ATP10B: variants seen among roughly 807,000 people sequenced by gnomAD.
ATP10B encodes the protein phospholipid-transporting ATPase VB.
Under a neutral mutation model 141.2 loss-of-function variants are expected in ATP10B, and 122 were observed. The ratio of observed to expected loss-of-function variants is 0.86; its 90% CI spans 0.75 to 1.00. ATP10B has a LOEUF of 1.00. ATP10B is among the 50% of genes least tolerant of loss of function. The pLI is 0.00. For missense variants in ATP10B, 1,876 were observed against 1,825.3 expected (o/e 1.03, Z -0.51); for synonymous variants, 685 against 692.0 (o/e 0.99, Z 0.16).
the ATP10B span, among the ~76,000 whole-genome samples, chr5:160,913,857 C>G: frequency 6.6e-6 from 1 of 152,128 alleles, no homozygotes; most frequent in Admixed American, 6.5e-5. Context: ...AATTGCAATT[C>G]CTGAAACTCG....
chr5:160,570,008 G>A (rs568090943), intron 24 of ATP10B, among the ~76,000 whole-genome samples: 6 of 151,908 alleles, frequency 3.9e-5, no homozygotes, highest in Admixed American at 2.0e-4. Context: ...ATCATGTTTC[G>A]TATGACTTTT....
intron 3 of ATP10B, among the ~76,000 whole-genome samples, chr5:160,697,066 C>T (rs902572509): frequency 5.9e-5 from 9 of 152,166 alleles, no homozygotes; most frequent in African/African-American, 2.2e-4. Context: ...TACAAAATGT[C>T]CTTTTTCCAC....
chr5:160,719,910 G>T (rs556059253), intron 2 of ATP10B, among the ~76,000 whole-genome samples: 4 of 152,288 alleles, frequency 2.6e-5, no homozygotes, highest in Non-Finnish European at 5.9e-5. Flanking sequence ...TCAGGCCTAT[G>T]ATTCTGCCAT....
At chr5:160,781,603 A>G (rs890884144) in intron 2 of ATP10B, among the ~76,000 whole-genome samples, 2 of 152,122 alleles carry the variant, frequency 1.3e-5, no homozygotes, top group African/African-American at 4.8e-5. Context: ...AAGGCAAATA[A>G]ATATCATTTA....
intron 1 of ATP10B, among the ~76,000 whole-genome samples, chr5:160,821,757 G>A (rs1030555652): frequency 3.3e-5 from 5 of 151,930 alleles, no homozygotes; most frequent in Non-Finnish European, 7.4e-5. Context: ...ATACAGTGGG[G>A]GAAAGAGCAG....
the ATP10B span, among the ~76,000 whole-genome samples, chr5:160,923,300 AT>A: frequency 6.6e-6 from 1 of 152,232 alleles, no homozygotes; most frequent in Non-Finnish European, 1.5e-5. Flanking sequence ...CCCCCAGTAC[AT>A]GACATTGGCC....
chr5:160,865,573 T>C, the ATP10B span, among the ~76,000 whole-genome samples: 1 of 151,848 alleles, frequency 6.6e-6, no homozygotes, highest in African/African-American at 2.4e-5. Flanking sequence ...AACAAATAAA[T>C]GGGACCTAAT....
At chr5:160,868,334 CTT>C in the ATP10B span, among the ~76,000 whole-genome samples, 1 of 151,960 alleles carries the variant, frequency 6.6e-6, no homozygotes, top group African/African-American at 2.4e-5. Flanking sequence ...CCCTTTGATT[CTT>C]TCTCTCTCAC....
At chr5:160,665,738 C>T (rs374333164) in intron 7 of ATP10B, among the ~76,000 whole-genome samples, 4 of 152,062 alleles carry the variant, frequency 2.6e-5, no homozygotes, top group East Asian at 1.9e-4. Context: ...TTGAATTACC[C>T]GAATATAGTA....
chr5:160,797,122 A>T (rs1472616503), intron 1 of ATP10B, among the ~76,000 whole-genome samples: 1 of 151,902 alleles, frequency 6.6e-6, no homozygotes, highest in East Asian at 1.9e-4. Context: ...CTGTGGAGAA[A>T]CCAGGGCCCA....
At chr5:160,730,806 A>C (rs1165288724) in intron 2 of ATP10B, among the ~76,000 whole-genome samples, 2 of 152,128 alleles carry the variant, frequency 1.3e-5, no homozygotes, top group Non-Finnish European at 2.9e-5. Context: ...GACATGGTTA[A>C]ATTTTAATGC....
intron 3 of ATP10B, among the ~76,000 whole-genome samples, chr5:160,690,030 C>A (rs1270036458): frequency 6.6e-6 from 1 of 151,860 alleles, no homozygotes; most frequent in East Asian, 1.9e-4. Context: ...TGGAACAGAA[C>A]AGAGGACTCA....
intron 2 of ATP10B, among the ~76,000 whole-genome samples, chr5:160,758,945 T>A (rs541116276): frequency 8.5e-5 from 13 of 152,344 alleles, no homozygotes; most frequent in Non-Finnish European, 1.6e-4. Flanking sequence ...GGTACATGAT[T>A]TTCTTGGGAA....
chr5:160,576,765 G>A (rs1270304796), intron 24 of ATP10B, among the ~76,000 whole-genome samples: 1 of 152,178 alleles, frequency 6.6e-6, no homozygotes, highest in Non-Finnish European at 1.5e-5. Context: ...AAGTAGCTTG[G>A]TCTGGCTGGG....
In ATP10B at chr5:160,645,113, T is replaced by A. The variant is rs1327276848; in HGVS notation, c.762-869A>T. On this transcript the variant is annotated intron_variant, in intron 8 of 25. Coordinates refer to ENST00000327245, the MANE Select transcript of ATP10B (RefSeq NM_025153.3). ...GCCTGGGCTACGGGGCAAGACTCCA[T>A]CTTAAAAAAAAAAAAAAAAAAGGGC... 2.9e-5 allele frequency among the ~76,000 whole-genome samples: 3 copies of A among 103,790 alleles called. No individual in the cohort carries two copies. The East Asian group carries it at 8.9e-4, about 31-fold the overall frequency. 68.1% of individuals were successfully genotyped at this position (103,790 alleles called of 152,430 possible).
At chr5:160,646,974 C>T (rs140425123) in intron 8 of ATP10B, among the ~76,000 whole-genome samples, 386 of 151,988 alleles carry the variant, frequency 2.5e-3, no homozygotes, top group Middle Eastern at 6.8e-3. Context: ...CCAGTGGATG[C>T]CAACAGCACC....
chr5:160,685,361 G>A (rs1309867590), intron 6 of ATP10B: 1 of 559,438 alleles, frequency 1.8e-6, no homozygotes. Flanking sequence ...GGAGAAACAT[G>A]ACAAGGAAAG....
At chr5:160,597,283 T>A (rs1021126118) in intron 22 of ATP10B, among the ~76,000 whole-genome samples, 34 of 152,212 alleles carry the variant, frequency 2.2e-4, no homozygotes, top group African/African-American at 3.4e-4. Context: ...TGACAAAAAC[T>A]AGCAATGGGG....
chr5:160,839,286 G>T (rs1207138236), intron 1 of ATP10B, among the ~76,000 whole-genome samples: 1 of 152,122 alleles, frequency 6.6e-6, no homozygotes, highest in East Asian at 1.9e-4. Flanking sequence ...ATATATTTAG[G>T]ATGACGAAGA....
Sources: gnomAD v4.1 joint callset for allele counts (sites outside exome capture counted in the v4.1 genomes callset) on GRCh38, gnomAD v4.1.1 for gene constraint, MANE v1.5 for transcripts, NCBI Gene and HGNC (gene_info 2026-07-23, HGNC 2026-07-21) for gene names.